UPP1: variants seen among roughly 807,000 people sequenced by gnomAD.
UPP1 encodes uridine phosphorylase 1.
Under a neutral mutation model 29.6 loss-of-function variants are expected in UPP1, and 25 were observed. The observed-to-expected ratio is 0.85, with a 90% CI of 0.62 to 1.18. The LOEUF (loss-of-function observed/expected upper bound fraction) is 1.18. Among genes scored for constraint, UPP1 ranks in the 50% most tolerant of loss-of-function variants. The probability of loss-of-function intolerance (pLI) is 0.00; values close to 1 mark genes in which losing one functional copy is unlikely to be tolerated. For synonymous variants in UPP1, 165 were observed against 159.8 expected, an observed-to-expected ratio of 1.03 and a Z score of -0.25; for missense variants, 368 against 410.4, an observed-to-expected ratio of 0.90 and a Z score of 0.89.
chr7:48,099,539 C>T, intron 3 of UPP1, 131 bp from the exon 4 acceptor site: 1 of 659,962 alleles, frequency 1.5e-6, no homozygotes, highest in Non-Finnish European at 2.7e-6. Context: ...TTGGGGTTGT[C>T]TTATCTCCGG....
Position 48,107,416 on chromosome 7 carries a change from G to T in UPP1, c.702G>T (p.Ala234=). Residue 234 remains alanine (A), a synonymous_variant, in exon 8 of 9, where the codon GCG becomes GCT. Transcript: ENST00000395564. ...CCTACACGGAGAAGGACAAGCAGGCGTATCTGGAGGCAGCCTATGCAGCCG... is the reference window on the plus strand; with the variant it reads ...CCTACACGGAGAAGGACAAGCAGGCTTATCTGGAGGCAGCCTATGCAGCCG... ...LCSYTEKDKQ[A]YLEAAYAAGV... 11 of 1,614,210 alleles carry T rather than the reference G, an allele frequency of 6.8e-6. No homozygotes were observed. Among genetic ancestry groups the T allele is most frequent in the Non-Finnish European group, 9.3e-6 (11 of 1,180,024 alleles).
chr7:48,103,544 C>T (rs1792552075), intron 6 of UPP1, 133 bp downstream of exon 6: 1 of 918,790 alleles, frequency 1.1e-6, no homozygotes, highest in Non-Finnish European at 1.7e-6. Flanking sequence ...AGCTTGTTAA[C>T]AGGAGGTGTG....
intron 2 of UPP1, among the ~76,000 whole-genome samples, chr7:48,091,573 A>T (rs1037792955): frequency 1.3e-5 from 2 of 152,200 alleles, no homozygotes; most frequent in African/African-American, 4.8e-5. Context: ...GTTAGGAGAA[A>T]GGTTTTCTAA....
Position 48,107,537 on chromosome 7 carries a change from C to T in UPP1, c.793+30C>T, listed in dbSNP as rs372123271. ...GCGGCACTTGATGGGCCTCGGCGTC[C>T]CCTCCTCCCTTCACTTCTGCTCTCC... On this transcript the variant is annotated intron_variant, in intron 8 of 8. Transcript: ENST00000395564. 3.2e-6 allele frequency: 5 copies of T among 1,576,670 alleles called. No homozygotes were observed. In the South Asian group the frequency reaches 5.8e-5, roughly 18 times the overall value.
rs201808602 is a variant in UPP1 at position 48,101,852 on chromosome 7, G to A, written c.191G>A (p.Arg64Gln). The A allele has an allele frequency of 2.2e-5, 35 of 1,613,946 alleles. No individual in the cohort carries two copies. Among genetic ancestry groups the A allele is most frequent in the Non-Finnish European group, 2.8e-5 (33 of 1,179,954 alleles). The change falls in exon 5 of 9, where the codon CGG becomes CAG. Residue 64 changes from arginine (R) to glutamine (Q), a missense_variant. Transcript: ENST00000395564. ...KFVCVGGSPS[R>Q]MKAFIRCVGA... Reference sequence around the variant, plus strand: ...GTGTGTGTTGGTGGAAGCCCCTCCCGGATGAAAGCCTTCATCAGGTGCGTT... The same window carrying A: ...GTGTGTGTTGGTGGAAGCCCCTCCCAGATGAAAGCCTTCATCAGGTGCGTT...
intron 2 of UPP1, among the ~76,000 whole-genome samples, chr7:48,092,337 A>G (rs993314035): frequency 2.6e-5 from 4 of 152,132 alleles, no homozygotes; most frequent in Non-Finnish European, 4.4e-5. Context: ...TGGATCCTGA[A>G]GAAGGCCTGA....
In UPP1 at chr7:48,099,788, G is replaced by C; in HGVS notation, c.162+1G>C. 1 of 1,599,816 alleles carries C rather than the reference G, an allele frequency of 6.3e-7. No homozygotes were observed. The highest frequency in any genetic ancestry group is 1.1e-5 in the South Asian group (1 of 90,784). ...CCCAGCCTTGTTTGGAGATGTGAAG[G>C]TAAGAGGCCAGGTGTTGACACCTTG... On this transcript the variant is annotated splice_donor_variant, in intron 4 of 8. Coordinates refer to ENST00000395564, the MANE Select transcript of UPP1 (RefSeq NM_003364.4). LOFTEE classifies it high-confidence loss of function.
intron 6 of UPP1, among the ~76,000 whole-genome samples, chr7:48,104,267 A>G (rs554083399): frequency 1.3e-5 from 2 of 152,340 alleles, no homozygotes; most frequent in African/African-American, 4.8e-5. Flanking sequence ...AACATGGCAA[A>G]GAAAGAATGA....
chr7:48,103,146 T>A, intron 5 of UPP1, 151 bp from the exon 6 acceptor site: 1 of 598,236 alleles, frequency 1.7e-6, no homozygotes. Flanking sequence ...TCCCAAAGTG[T>A]TACTAGTTCT....
rs752261850 is a variant in UPP1 at position 48,094,769 on chromosome 7, G to C, written c.-15G>C. ...TGTGATTTTTTTTCCTTAGGGTCCT[G>C]CCTCAGTTGGCGGAATGGCGGCCAC... On this transcript the variant is annotated 5_prime_UTR_variant, in exon 3 of 9. Transcript: ENST00000395564. 1.2e-6 allele frequency: 2 copies of C among 1,614,094 alleles called. No homozygotes were observed. Among genetic ancestry groups the C allele is most frequent in the Admixed American group, 3.3e-5 (2 of 60,016 alleles).
intron 4 of UPP1, 55 bp downstream of exon 4, chr7:48,099,842 A>G (rs76830589): frequency 5.9e-6 from 7 of 1,184,914 alleles, no homozygotes; most frequent in East Asian, 4.7e-5. Context: ...ACCTCCCCCT[A>G]TATTATACAG....
chr7:48,102,754 A>AG (rs776622219), intron 5 of UPP1, among the ~76,000 whole-genome samples: 9 of 152,086 alleles, frequency 5.9e-5, no homozygotes, highest in East Asian at 1.9e-4. Context: ...TTGTGACACT[A>AG]GGGGGGGTGC....
rs751241418 is a variant in UPP1 at position 48,094,748 on chromosome 7, A to AT, written c.-21-7dup. On this transcript the variant is annotated splice_polypyrimidine_tract_variant and intron_variant, in intron 2 of 8. Coordinates refer to ENST00000395564, the MANE Select transcript of UPP1 (RefSeq NM_003364.4). ...CTGAGTGGATTCACTCCATTCTGTG[A>AT]TTTTTTTTCCTTAGGGTCCTGCCTC... The AT allele has an allele frequency of 6.4e-5, 104 of 1,612,904 alleles. No homozygotes were observed. The Middle Eastern group carries it at 1.5e-3, about 23-fold the overall frequency.
chr7:48,096,589 G>T (rs1006538679), intron 3 of UPP1, among the ~76,000 whole-genome samples: 3 of 152,114 alleles, frequency 2.0e-5, no homozygotes, highest in African/African-American at 7.2e-5. Flanking sequence ...GTCTCCACAT[G>T]TGCTGGTCCT....
Position 48,108,213 on chromosome 7 carries a change from TGCAGCG to T in UPP1, c.794-2_797del. On this transcript the variant is annotated splice_acceptor_variant and splice_polypyrimidine_tract_variant and coding_sequence_variant and intron_variant, in exon 9 of 9. Coordinates refer to ENST00000395564, the MANE Select transcript of UPP1 (RefSeq NM_003364.4). LOFTEE classifies it high-confidence loss of function. The stretch of plus-strand genomic sequence containing the variant: ...TTGCCTTGATGTGGTCTTTGTCCTT[TGCAGCG>T]GCCGTGGTGTGTGTCACCCTCCTGA... The T allele has an allele frequency of 6.2e-7, 1 of 1,611,904 alleles. No individual in the cohort carries two copies. The highest frequency in any genetic ancestry group is 8.5e-7 in the Non-Finnish European group (1 of 1,179,154).
At chr7:48,103,450 T>A (rs1156652090) in intron 6 of UPP1, 39 bp downstream of exon 6, 1 of 1,549,546 alleles carries the variant, frequency 6.5e-7, no homozygotes, top group South Asian at 1.1e-5. Flanking sequence ...TGTGAATGGA[T>A]GAGGGACTGG....
intron 3 of UPP1, among the ~76,000 whole-genome samples, chr7:48,096,206 C>G (rs2128810378): frequency 6.6e-6 from 1 of 152,268 alleles, no homozygotes; most frequent in East Asian, 1.9e-4. Flanking sequence ...AATTATTTTA[C>G]CCTCCCTTGT....
At chr7:48,105,526 C>T (rs1042728495) in intron 6 of UPP1, 7 of 152,196 alleles carry the variant, frequency 4.6e-5, no homozygotes, top group Admixed American at 6.5e-5. Context: ...AAATAAGTAT[C>T]AGAAATGGAT....
chr7:48,107,262 TCTTGCTTGTC>T (rs1562660605), intron 7 of UPP1, 89 bp from the exon 8 acceptor site: 1 of 1,488,400 alleles, frequency 6.7e-7, no homozygotes, highest in Non-Finnish European at 9.2e-7. Flanking sequence ...CCTGGATGGG[TCTTGCTTGTC>T]CCTGTGTCCT....
Sources: gnomAD v4.1 joint callset for allele counts (sites outside exome capture counted in the v4.1 genomes callset) on GRCh38, gnomAD v4.1.1 for gene constraint, MANE v1.5 for transcripts, NCBI Gene and HGNC (gene_info 2026-07-23, HGNC 2026-07-21) for gene names.